LHFPL6: variants seen among roughly 807,000 people sequenced by gnomAD.
LHFPL6 encodes LHFPL tetraspan subfamily member 6.
In LHFPL6, 9 loss-of-function variants were observed where a neutral mutation model predicts 20.6. That is an observed-to-expected ratio of 0.44 (90% CI 0.26 to 0.76). The LOEUF is 0.76. LHFPL6 is among the 30% of genes least tolerant of loss of function. LHFPL6 has a pLI of 0.20. For synonymous variants in LHFPL6, 105 were observed against 98.7 expected (o/e 1.06, Z -0.38); for missense variants, 218 against 253.5 (o/e 0.86, Z 0.95).
chr13:39,506,005 C>T (rs1309497001), intron 2 of LHFPL6, among the ~76,000 whole-genome samples: 2 of 152,160 alleles, frequency 1.3e-5, no homozygotes, highest in African/African-American at 2.4e-5. Context: ...AACCACTCAA[C>T]TCAGATAAAG....
chr13:39,402,948 A>C (rs1269998195), intron 2 of LHFPL6, among the ~76,000 whole-genome samples: 1 of 152,262 alleles, frequency 6.6e-6, no homozygotes, highest in Non-Finnish European at 1.5e-5. Flanking sequence ...TGACTCCCAC[A>C]GTACTCAAGT....
At chr13:39,550,269 A>G (rs1456370941) in intron 2 of LHFPL6, among the ~76,000 whole-genome samples, 1 of 152,100 alleles carries the variant, frequency 6.6e-6, no homozygotes, top group Non-Finnish European at 1.5e-5. Flanking sequence ...GGAAGGGTTG[A>G]CTAGAAAGGA....
chr13:39,423,698 G>T (rs1871555623), intron 2 of LHFPL6, among the ~76,000 whole-genome samples: 1 of 152,176 alleles, frequency 6.6e-6, no homozygotes, highest in Non-Finnish European at 1.5e-5. Flanking sequence ...CTGTGACAAA[G>T]ACCTGAAAGA....
At chr13:39,356,172 A>G (rs1338182923) in intron 3 of LHFPL6, among the ~76,000 whole-genome samples, 1 of 151,666 alleles carries the variant, frequency 6.6e-6, no homozygotes, top group East Asian at 1.9e-4. Flanking sequence ...CATACCAAGC[A>G]CATTCTCTGA....
rs1413018924 is a variant in LHFPL6, at chr13:39,603,119, G to C, written c.-411C>G. 2 of 152,288 alleles carry C rather than the reference G, an allele frequency of 1.3e-5. No individual in the cohort carries two copies. The highest frequency in any genetic ancestry group is 2.9e-5 in the Non-Finnish European group (2 of 68,122). 9.4% of individuals were successfully genotyped at this position (152,288 alleles called of 1,614,324 possible). A position where few individuals can be genotyped will look rare whatever the true frequency, so the allele number is the denominator to read the frequency against. On this transcript the variant is annotated 5_prime_UTR_variant, in exon 1 of 4. Coordinates refer to ENST00000379589, the MANE Select transcript of LHFPL6 (RefSeq NM_005780.3). ...AGACCCCCACTCCCGGCGAGTCCGC[G>C]GCGGCAGCTCTGGCGGAGCGCTGTG...
chr13:39,555,495 G>C (rs1316901426), intron 2 of LHFPL6, among the ~76,000 whole-genome samples: 1 of 152,180 alleles, frequency 6.6e-6, no homozygotes, highest in Non-Finnish European at 1.5e-5. Context: ...TCTGAGCAAA[G>C]TCTCTCAATT....
chr13:39,412,882 A>G (rs1871264484), intron 2 of LHFPL6, among the ~76,000 whole-genome samples: 1 of 150,412 alleles, frequency 6.6e-6, no homozygotes, highest in Non-Finnish European at 1.5e-5. Context: ...AGATTGCACC[A>G]TTGCACTCCA....
At chr13:39,415,553 C>T (rs550976533) in intron 2 of LHFPL6, among the ~76,000 whole-genome samples, 1 of 152,004 alleles carries the variant, frequency 6.6e-6, no homozygotes, top group South Asian at 2.1e-4. Context: ...TTAAGTCCTT[C>T]ATGAATTGAA....
intron 2 of LHFPL6, among the ~76,000 whole-genome samples, chr13:39,477,878 T>C (rs1413586770): frequency 6.6e-6 from 1 of 152,210 alleles, no homozygotes; most frequent in East Asian, 1.9e-4. Flanking sequence ...ATAATGATGG[T>C]GTCACTGAGT....
At chr13:39,361,404 G>A (rs1314297644) in intron 3 of LHFPL6, among the ~76,000 whole-genome samples, 3 of 151,732 alleles carry the variant, frequency 2.0e-5, no homozygotes, top group Non-Finnish European at 4.4e-5. Flanking sequence ...TGCAACCTCC[G>A]CCTCCCAGGT....
chr13:39,534,730 T>G (rs1396014088), intron 2 of LHFPL6, among the ~76,000 whole-genome samples: 1 of 152,152 alleles, frequency 6.6e-6, no homozygotes, highest in Non-Finnish European at 1.5e-5. Context: ...AGAGATGCTT[T>G]TACTATATAC....
chr13:39,571,017 A>C (rs568741785), intron 2 of LHFPL6, among the ~76,000 whole-genome samples: 1 of 152,378 alleles, frequency 6.6e-6, no homozygotes, highest in Non-Finnish European at 1.5e-5. Flanking sequence ...TGTGAAAAAC[A>C]ACAATAAACT....
At chr13:39,592,664 G>A (rs556170118) in intron 2 of LHFPL6, among the ~76,000 whole-genome samples, 94 of 151,998 alleles carry the variant, frequency 6.2e-4, no homozygotes, top group African/African-American at 2.1e-3. Flanking sequence ...GCAGAGACAC[G>A]ACAAAAAAAG....
chr13:39,431,717 T>TA (rs796181082), intron 2 of LHFPL6, among the ~76,000 whole-genome samples: 1 of 95,978 alleles, frequency 1.0e-5, no homozygotes, highest in African/African-American at 4.1e-5. Context: ...GTAGAATTTG[T>TA]GGGGGGGGGG....
At chr13:39,448,111 C>T (rs942874932) in intron 2 of LHFPL6, among the ~76,000 whole-genome samples, 7 of 152,180 alleles carry the variant, frequency 4.6e-5, no homozygotes, top group Non-Finnish European at 4.4e-5. Flanking sequence ...GCACAGATCT[C>T]AAAGCTACAG....
intron 2 of LHFPL6, among the ~76,000 whole-genome samples, chr13:39,521,251 T>G (rs543795910): frequency 6.6e-6 from 1 of 152,064 alleles, no homozygotes; most frequent in African/African-American, 2.4e-5. Context: ...GACTACCTAT[T>G]TTTAAACTAC....
At chr13:39,469,483 T>C (rs1328766623) in intron 2 of LHFPL6, among the ~76,000 whole-genome samples, 1 of 152,188 alleles carries the variant, frequency 6.6e-6, no homozygotes, top group Non-Finnish European at 1.5e-5. Context: ...CCCCTGATGC[T>C]TTACATCAGG....
In LHFPL6 at chr13:39,601,085, G is replaced by A. The variant is rs1318574789; in HGVS notation, c.132C>T (p.Phe44=). Residue 44 remains phenylalanine, a synonymous_variant, in exon 2 of 4, where the codon TTC becomes TTT. Transcript: ENST00000379589. ...WGSQLGKPVS[F]GTFRRCSYPV... ...GATATGAGCACCTCCGGAAGGTACC[G>A]AAGGACACAGGCTTGCCCAGCTGTG... 2.5e-6 allele frequency: 4 copies of A among 1,614,032 alleles called. No individual in the cohort carries two copies. Among genetic ancestry groups the A allele is most frequent in the East Asian group, 2.2e-5 (1 of 44,882 alleles).
At chr13:39,476,320 G>A (rs12372821) in intron 2 of LHFPL6, among the ~76,000 whole-genome samples, 19,839 of 152,122 alleles carry the variant, frequency 0.13, 2,692 homozygotes, top group African/African-American at 0.33. Context: ...ATGAGCAACC[G>A]CGCCCAGCCT....
Sources: allele counts gnomAD v4.1 joint callset (sites outside exome capture counted in the v4.1 genomes callset), GRCh38; gene constraint gnomAD v4.1.1; transcripts MANE v1.5; gene names NCBI Gene and HGNC (gene_info 2026-07-23, HGNC 2026-07-21).